The following SOX6 variants were observed in gnomAD, a reference collection of about 807,000 sequenced individuals.
SOX6 encodes the protein SRY-box transcription factor 6, also known as transcription factor SOX-6.
In SOX6, 11 loss-of-function variants were observed where a neutral mutation model predicts 97.8. That is an observed-to-expected ratio of 0.11 (90% CI 0.07 to 0.19). The LOEUF is 0.19. Ranked by LOEUF, SOX6 falls within the 10% of genes least tolerant of loss-of-function variation. The probability of loss-of-function intolerance (pLI) is 1.00; values close to 1 mark genes in which losing one functional copy is unlikely to be tolerated. For missense variants in SOX6, 810 were observed against 1,039.5 expected, an observed-to-expected ratio of 0.78 and a Z score of 3.04; for synonymous variants, 360 against 371.4, an observed-to-expected ratio of 0.97 and a Z score of 0.35.
At position 16,287,475 on chromosome 11, in the gene SOX6, C is replaced by G. The variant is rs552733711; in HGVS notation, c.445+30971G>C. ...TTAGCTCAAAGGGCCCCATTAAACT[C>G]AAGTACTCCACCTGGACACTGTGCT... On this transcript the variant is annotated intron_variant, in intron 3 of 15. Transcript: ENST00000683767. Among the ~76,000 whole-genome samples the G allele has an allele frequency of 5.9e-5, 9 of 152,148 alleles. No individual in the cohort carries two copies. In the South Asian group the frequency reaches 1.9e-3, roughly 32 times the overall value.
intron 13 of SOX6, 145 bp downstream of exon 13, chr11:16,014,797 T>A (rs1431173602): frequency 1.2e-5 from 9 of 742,114 alleles, no homozygotes; most frequent in Admixed American, 2.1e-5. Flanking sequence ...CATACATACG[T>A]AGTTGAAGAG....
intron 3 of SOX6, among the ~76,000 whole-genome samples, chr11:16,658,205 G>A (rs1008368545): frequency 2.5e-4 from 38 of 152,142 alleles, no homozygotes; most frequent in Admixed American, 7.9e-4. Context: ...TGGGTATAAA[G>A]ATCTAACTGT....
chr11:16,724,246 T>C (rs1848289849), intron 2 of SOX6, among the ~76,000 whole-genome samples: 1 of 152,208 alleles, frequency 6.6e-6, no homozygotes, highest in Non-Finnish European at 1.5e-5. Context: ...GAATTAACTC[T>C]GTGTAGCAGC....
chr11:16,206,341 C>T (rs34641020), intron 4 of SOX6, among the ~76,000 whole-genome samples: 8,868 of 152,122 alleles, frequency 0.058, 636 homozygotes, highest in East Asian at 0.36. Flanking sequence ...AGAAGGTGAA[C>T]TTACATCATT....
chr11:16,606,444 C>A (rs890084036), intron 4 of SOX6, among the ~76,000 whole-genome samples: 1 of 152,172 alleles, frequency 6.6e-6, no homozygotes, highest in South Asian at 2.1e-4. Context: ...AAAGCCGACA[C>A]GCATTTGCTT....
At chr11:16,479,754 T>G (rs1245660580), upstream of SOX6, among the ~76,000 whole-genome samples, 1 of 152,176 alleles carries the variant, frequency 6.6e-6, no homozygotes, top group East Asian at 1.9e-4. Context: ...TTTCATATAC[T>G]ATTGATGGGA....
chr11:16,604,578 A>G (rs1018727934), intron 4 of SOX6, among the ~76,000 whole-genome samples: 7 of 152,136 alleles, frequency 4.6e-5, no homozygotes, highest in African/African-American at 1.7e-4. Flanking sequence ...TTGACAGTAC[A>G]GCGGGAGGTC....
intron 4 of SOX6, among the ~76,000 whole-genome samples, chr11:16,588,562 GC>G (rs1218271677): frequency 1.3e-5 from 2 of 152,026 alleles, no homozygotes; most frequent in African/African-American, 4.8e-5. Context: ...ACAACAAAGA[GC>G]CCCAGACACT....
chr11:16,555,378 G>T (rs956363879), intron 4 of SOX6, among the ~76,000 whole-genome samples: 1 of 151,080 alleles, frequency 6.6e-6, no homozygotes, highest in African/African-American at 2.4e-5. Context: ...AGGTGTTATC[G>T]GTATTTAAGT....
At chr11:16,307,048 G>A in intron 3 of SOX6, among the ~76,000 whole-genome samples, 2 of 152,264 alleles carry the variant, frequency 1.3e-5, no homozygotes, top group South Asian at 4.1e-4. Flanking sequence ...TTATATGTTT[G>A]CGCAAGTGCA....
chr11:16,369,082 A>G (rs1334186142), intron 1 of SOX6, among the ~76,000 whole-genome samples: 1 of 152,114 alleles, frequency 6.6e-6, no homozygotes, highest in Admixed American at 6.6e-5. Flanking sequence ...AAGGAAACCA[A>G]CCAAACAAAA....
chr11:16,383,284 T>G (rs967067038), intron 1 of SOX6, among the ~76,000 whole-genome samples: 1 of 151,914 alleles, frequency 6.6e-6, no homozygotes, highest in African/African-American at 2.4e-5. Flanking sequence ...AACAGAGCAA[T>G]AAGAAGAAAG....
At chr11:16,384,222 T>TG (rs1857909949) in intron 1 of SOX6, among the ~76,000 whole-genome samples, 1 of 274 alleles carries the variant, frequency 3.6e-3, no homozygotes. Flanking sequence ...AACAAGAAAC[T>TG]TTAGGAATCA....
At chr11:16,230,821 A>G (rs531797782) in intron 4 of SOX6, among the ~76,000 whole-genome samples, 1 of 151,882 alleles carries the variant, frequency 6.6e-6, no homozygotes, top group South Asian at 2.1e-4. Flanking sequence ...TGATTAATAT[A>G]GCATAGTACT....
At chr11:16,058,614 G>A (rs900998070) in intron 9 of SOX6, among the ~76,000 whole-genome samples, 4 of 151,950 alleles carry the variant, frequency 2.6e-5, no homozygotes, top group African/African-American at 9.7e-5. Context: ...CATTTTCTTG[G>A]AGAGATGTCT....
At chr11:16,086,397 G>A (rs1848578669) in intron 9 of SOX6, among the ~76,000 whole-genome samples, 1 of 152,176 alleles carries the variant, frequency 6.6e-6, no homozygotes, top group Admixed American at 6.5e-5. Context: ...CGCTTAAAGA[G>A]CAGCAAAGAC....
chr11:15,985,109 G>A (rs1853790810), intron 15 of SOX6, among the ~76,000 whole-genome samples: 1 of 152,120 alleles, frequency 6.6e-6, no homozygotes, highest in African/African-American at 2.4e-5. Flanking sequence ...ACAGATTCAT[G>A]ACCCAGACTA....
chr11:16,045,943 C>A (rs1392913374), intron 12 of SOX6, among the ~76,000 whole-genome samples: 4 of 152,182 alleles, frequency 2.6e-5, no homozygotes, highest in Non-Finnish European at 5.9e-5. Context: ...AGAATATAAG[C>A]TCTAGGAAAG....
intron 6 of SOX6, among the ~76,000 whole-genome samples, chr11:16,128,053 T>C (rs975626051): frequency 6.6e-6 from 1 of 152,162 alleles, no homozygotes; most frequent in Non-Finnish European, 1.5e-5. Context: ...ATGTCCTATA[T>C]CCCTTGAAGC....
Sources: gnomAD v4.1 joint callset for allele counts (sites outside exome capture counted in the v4.1 genomes callset) on GRCh38, gnomAD v4.1.1 for gene constraint, MANE v1.5 for transcripts, NCBI Gene and HGNC (gene_info 2026-07-23, HGNC 2026-07-21) for gene names.